The following ATRNL1 variants were observed in gnomAD, a reference collection of about 807,000 sequenced individuals.
ATRNL1 encodes the protein attractin-like protein 1.
A neutral mutation model predicts 182.7 loss-of-function variants in ATRNL1; 95 were observed. The ratio of observed to expected loss-of-function variants is 0.52; its 90% CI spans 0.44 to 0.62. The LOEUF (loss-of-function observed/expected upper bound fraction) is 0.62. Ranked by LOEUF, ATRNL1 falls within the 20% of genes least tolerant of loss-of-function variation. ATRNL1 has a pLI of 0.00. For missense variants in ATRNL1, 1,471 were observed against 1,679.5 expected (o/e 0.88, Z 2.17); for synonymous variants, 576 against 568.3 (o/e 1.01, Z -0.19).
At position 115,093,650 on chromosome 10, in the gene ATRNL1, G is replaced by A. The variant is rs1250656237; in HGVS notation, c.-101G>A. 3.5e-5 allele frequency: 45 copies of A among 1,303,182 alleles called. No individual in the cohort carries two copies. Among genetic ancestry groups the A allele is most frequent in the Non-Finnish European group, 4.7e-5 (45 of 949,268 alleles). 80.7% of individuals were successfully genotyped at this position (1,303,182 alleles called of 1,614,324 possible). On this transcript the variant is annotated 5_prime_UTR_variant, in exon 1 of 29. Coordinates refer to ENST00000355044, the MANE Select transcript of ATRNL1 (RefSeq NM_207303.4). The surrounding 1 kb of genome is among the most constrained non-coding windows in gnomAD (Gnocchi z 6.1). The stretch of plus-strand genomic sequence containing the variant: ...GGACGGGCGCCGGTGAGGAGGAGGA[G>A]AAGCGGCGGCGGAGAGGTTTTCTGC...
intron 27 of ATRNL1, among the ~76,000 whole-genome samples, chr10:115,754,463 G>T (rs1555071424): frequency 1.3e-5 from 2 of 152,142 alleles, no homozygotes; most frequent in Non-Finnish European, 2.9e-5. Flanking sequence ...TGTCAGATTT[G>T]TCAGTGATCC....
intron 21 of ATRNL1, among the ~76,000 whole-genome samples, chr10:115,444,301 T>G (rs1395099735): frequency 1.3e-5 from 2 of 152,092 alleles, no homozygotes; most frequent in Non-Finnish European, 1.5e-5. Flanking sequence ...TAAGGCAGTG[T>G]AGAGTTGTTT....
intron 26 of ATRNL1, among the ~76,000 whole-genome samples, chr10:115,598,292 G>T (rs144472747): frequency 2.2e-4 from 33 of 150,966 alleles, no homozygotes; most frequent in Non-Finnish European, 3.1e-4. Context: ...GATAAATTGA[G>T]AAATTTACTA....
At chr10:115,560,045 A>G (rs989618270) in intron 26 of ATRNL1, among the ~76,000 whole-genome samples, 2 of 152,230 alleles carry the variant, frequency 1.3e-5, no homozygotes, top group African/African-American at 2.4e-5. Context: ...AAGGTTCAGG[A>G]TGCCAGAGCA....
At chr10:115,485,458 A>G (rs1414632) in intron 24 of ATRNL1, among the ~76,000 whole-genome samples, 29,919 of 151,996 alleles carry the variant, frequency 0.2, 3,115 homozygotes, top group South Asian at 0.24. Context: ...AATATGCATT[A>G]CCTCACATAG....
At chr10:115,469,149 T>C in intron 23 of ATRNL1, 23 bp from the exon 24 acceptor site, 1 of 944,768 alleles carries the variant, frequency 1.1e-6, no homozygotes, top group Non-Finnish European at 1.5e-6. Context: ...TAATATTAAT[T>C]ATTTAAATTA....
chr10:115,642,325 AAAG>A (rs1656181660), intron 26 of ATRNL1, among the ~76,000 whole-genome samples: 2 of 152,368 alleles, frequency 1.3e-5, no homozygotes, highest in South Asian at 4.1e-4. Flanking sequence ...GAAAGAAATC[AAAG>A]AATACCGAAC....
intron 19 of ATRNL1, among the ~76,000 whole-genome samples, chr10:115,350,813 T>C (rs1554941086): frequency 6.6e-6 from 1 of 152,140 alleles, no homozygotes; most frequent in Non-Finnish European, 1.5e-5. Flanking sequence ...AGAATGTCAT[T>C]GGTATTTTGA....
chr10:115,491,774 T>C (rs782674782), intron 24 of ATRNL1, among the ~76,000 whole-genome samples: 1 of 152,172 alleles, frequency 6.6e-6, no homozygotes, highest in Non-Finnish European at 1.5e-5. Flanking sequence ...CTGGCTGGCG[T>C]TCCAGGTGCC....
At chr10:115,562,865 G>GA (rs1449442945) in intron 26 of ATRNL1, among the ~76,000 whole-genome samples, 92 of 152,282 alleles carry the variant, frequency 6.0e-4, no homozygotes, top group African/African-American at 2.2e-3. Context: ...ACCAGTGTGA[G>GA]AATGGGCTAA....
At chr10:115,099,978 T>A (rs1362737426) in intron 1 of ATRNL1, among the ~76,000 whole-genome samples, 1 of 152,206 alleles carries the variant, frequency 6.6e-6, no homozygotes, top group Non-Finnish European at 1.5e-5. Context: ...TCTTTTATAC[T>A]TTTCATGTTG....
intron 9 of ATRNL1, among the ~76,000 whole-genome samples, chr10:115,237,486 T>G (rs928397002): frequency 2.6e-5 from 4 of 152,246 alleles, no homozygotes; most frequent in African/African-American, 9.6e-5. Flanking sequence ...TGACATGTAA[T>G]GTGGGATATC....
chr10:115,156,736 T>C (rs1554882216), intron 5 of ATRNL1, among the ~76,000 whole-genome samples: 1 of 152,152 alleles, frequency 6.6e-6, no homozygotes, highest in Non-Finnish European at 1.5e-5. Flanking sequence ...ATATACTACC[T>C]TGAGAAATTG....
At chr10:115,554,250 G>T (rs966971373) in intron 26 of ATRNL1, among the ~76,000 whole-genome samples, 2 of 151,422 alleles carry the variant, frequency 1.3e-5, no homozygotes, top group Non-Finnish European at 3.0e-5. Flanking sequence ...TTATTGAATT[G>T]CAAACTAAAA....
chr10:115,715,893 A>G (rs1160489869), intron 26 of ATRNL1, among the ~76,000 whole-genome samples: 2 of 152,090 alleles, frequency 1.3e-5, no homozygotes, highest in African/African-American at 2.4e-5. Context: ...GGACTTAGTA[A>G]CCTCCAGTAT....
chr10:115,679,463 G>T (rs1224635781), intron 26 of ATRNL1, among the ~76,000 whole-genome samples: 18 of 151,954 alleles, frequency 1.2e-4, no homozygotes, highest in Admixed American at 1.2e-3. Flanking sequence ...GTTATTCTCA[G>T]ATCTGCTGTA....
intron 20 of ATRNL1, among the ~76,000 whole-genome samples, chr10:115,396,959 A>G (rs1331044475): frequency 6.6e-6 from 1 of 151,914 alleles, no homozygotes; most frequent in Non-Finnish European, 1.5e-5. Context: ...ATGGCTTTTT[A>G]TGAAGAGGAT....
chr10:115,574,182 T>TAA (rs1178555152), intron 26 of ATRNL1, among the ~76,000 whole-genome samples: 2 of 151,212 alleles, frequency 1.3e-5, no homozygotes, highest in East Asian at 3.9e-4. Context: ...ATTGTATATA[T>TAA]AATACATATA....
At chr10:115,561,122 G>A (rs1853680201) in intron 26 of ATRNL1, among the ~76,000 whole-genome samples, 1 of 150,406 alleles carries the variant, frequency 6.6e-6, no homozygotes, top group Non-Finnish European at 1.5e-5. Flanking sequence ...CAAAAGAAAA[G>A]GTGATTAAAG....
Sources: gnomAD v4.1 joint callset for allele counts (sites outside exome capture counted in the v4.1 genomes callset) on GRCh38, gnomAD v4.1.1 for gene constraint, Gnocchi (gnomAD v3.1) non-coding constraint, MANE v1.5 for transcripts, NCBI Gene and HGNC (gene_info 2026-07-23, HGNC 2026-07-21) for gene names.